The following EIF2B5 variants were observed in gnomAD, a reference collection of about 807,000 sequenced individuals.
The protein encoded by EIF2B5 is eukaryotic translation initiation factor 2B subunit epsilon, also known as translation initiation factor eIF2B subunit epsilon.
Under a neutral mutation model 87.3 loss-of-function variants are expected in EIF2B5, and 38 were observed. The ratio of observed to expected loss-of-function variants is 0.44; its 90% confidence interval spans 0.34 to 0.57. The LOEUF (loss-of-function observed/expected upper bound fraction) is 0.57. Ranked by LOEUF, EIF2B5 falls within the 20% of genes least tolerant of loss-of-function variation. The pLI is 0.02. For missense variants in EIF2B5, 784 were observed against 909.5 expected, an observed-to-expected ratio of 0.86 and a Z score of 1.78; for synonymous variants, 313 against 339.6, an observed-to-expected ratio of 0.92 and a Z score of 0.86.
At chr3:184,143,318 C>T (rs1713726661) in intron 12 of EIF2B5, 124 bp from the exon 13 acceptor site, 1 of 1,554,594 alleles carries the variant, frequency 6.4e-7, no homozygotes, top group African/African-American at 1.4e-5. Flanking sequence ...AGACTTTCTC[C>T]TTCCTAAACC....
chr3:184,140,141 T>A lies in EIF2B5; in HGVS notation c.827T>A (p.Leu276His). ...ACTCGAGATGACTTTGTGCGAGGTC[T>A]CTTAGTGAATGAGGAGGTGAGAAAA... ...YQTRDDFVRG[L>H]LVNEEILGNQ... is the part of the protein sequence containing the mutation. The change falls in exon 6 of 16, where the codon CTC becomes CAC. Residue 276 changes from leucine to histidine, a missense_variant. Physicochemically the swap from Leu to His is moderately conservative, Grantham distance 99. Transcript: ENST00000648915. The A allele has an allele frequency of 6.2e-7, 1 of 1,613,996 alleles. No individual in the cohort carries two copies.
At position 184,142,897 on chromosome 3, in the gene EIF2B5, G is replaced by C; in HGVS notation, c.1654+11G>C. 1 of 1,609,198 alleles carries C rather than the reference G, an allele frequency of 6.2e-7. No homozygotes were observed. Among genetic ancestry groups the C allele is most frequent in the Non-Finnish European group, 8.5e-7 (1 of 1,176,880 alleles). On this transcript the variant is annotated intron_variant, in intron 11 of 15. Coordinates refer to ENST00000648915, the MANE Select transcript of EIF2B5 (RefSeq NM_003907.3). This position sits in a 1 kb window ranked among gnomAD's most constrained non-coding sequence, Gnocchi z 5.0. ...TGGATGACATCAAAGGTGAGTGGCA[G>C]GGGAGAAATGCGCTGGACCAGTTTA...
Position 184,138,235 on chromosome 3 carries a change from T to A in EIF2B5, c.754T>A (p.Cys252Ser). ...YDLLDCHISI[C>S]SPQVAQLFTD... Reference sequence around the variant, plus strand: ...TTTACTGGATTGTCATATCAGCATCTGTTCTCCTCAGGTGAGCTCTTTAGG... The same window carrying A: ...TTTACTGGATTGTCATATCAGCATCAGTTCTCCTCAGGTGAGCTCTTTAGG... The change falls in exon 5 of 16, where the codon TGT (cysteine) becomes AGT (serine). Residue 252 changes from cysteine (C) to serine (S), a missense_variant. Cys to Ser is a moderately radical substitution (Grantham distance 112). Coordinates refer to ENST00000648915, the MANE Select transcript of EIF2B5 (RefSeq NM_003907.3). 1 of 1,613,938 alleles carries A rather than the reference T, an allele frequency of 6.2e-7. No homozygotes were observed. Among genetic ancestry groups the A allele is most frequent in the South Asian group, 1.1e-5 (1 of 91,066 alleles).
chr3:184,142,274 C>G lies in EIF2B5; in HGVS notation c.1340C>G (p.Ser447Trp). Residue 447 changes from serine (S) to tryptophan (W), a missense_variant, in exon 9 of 16, where the codon TCG (serine) becomes TGG (tryptophan). Around this residue, in one of 3 missense-constraint regions of EIF2B5, gnomAD observed 660 missense variants for 789.5 expected, o/e 0.84. Coordinates refer to ENST00000648915, the MANE Select transcript of EIF2B5 (RefSeq NM_003907.3). The surrounding 1 kb of genome is among the most constrained non-coding windows in gnomAD (Gnocchi z 5.0). ...CCAAATATCACGCTGCCTGAGGGCTCGGTGATCTCTTTGCACCCTCCAGAT... is the reference window on the plus strand; with the variant it reads ...CCAAATATCACGCTGCCTGAGGGCTGGGTGATCTCTTTGCACCCTCCAGAT... ...VGPNITLPEGSVISLHPPDAE... is the reference protein window; with the variant it reads ...VGPNITLPEGWVISLHPPDAE... 6.2e-7 allele frequency: 1 copy of G among 1,614,002 alleles called. No homozygotes were observed. The highest frequency in any genetic ancestry group is 8.5e-7 in the Non-Finnish European group (1 of 1,180,002).
chr3:184,137,142 G>A (rs1016810657), intron 2 of EIF2B5: 9 of 343,426 alleles, frequency 2.6e-5, no homozygotes, highest in African/African-American at 1.3e-4. Flanking sequence ...GCCTAGCTCA[G>A]TCCCAAGCAT....
At chr3:184,143,172 G>T in intron 12 of EIF2B5, 30 bp downstream of exon 12, 1 of 1,605,612 alleles carries the variant, frequency 6.2e-7, no homozygotes, top group South Asian at 1.1e-5. Context: ...GTTCTCCTCG[G>T]GGTGATCCCG....
At chr3:184,136,495 G>A (rs2109006237) in intron 1 of EIF2B5, 117 bp from the exon 2 acceptor site, 1 of 1,375,836 alleles carries the variant, frequency 7.3e-7, no homozygotes. Flanking sequence ...CTTTGAATTG[G>A]AAAGATACAG....
At chr3:184,136,850 T>G in intron 2 of EIF2B5, 114 bp downstream of exon 2, 4 of 1,446,152 alleles carry the variant, frequency 2.8e-6, no homozygotes, top group Non-Finnish European at 3.9e-6. Context: ...TTAGATGTCA[T>G]TGTAAGTTCT....
intron 1 of EIF2B5, among the ~76,000 whole-genome samples, chr3:184,136,306 A>AT (rs1713356269): frequency 6.6e-6 from 1 of 152,224 alleles, no homozygotes; most frequent in Non-Finnish European, 1.5e-5. Flanking sequence ...CAATGCTTAA[A>AT]TTTATGGAAA....
chr3:184,142,142 T>C lies in EIF2B5; in HGVS notation c.1302+72T>C. 2 of 1,614,000 alleles carry C rather than the reference T, an allele frequency of 1.2e-6. No individual in the cohort carries two copies. The highest frequency in any genetic ancestry group is 1.6e-4 in the Middle Eastern group (1 of 6,062). On this transcript the variant is annotated intron_variant, in intron 8 of 15. Coordinates refer to ENST00000648915, the MANE Select transcript of EIF2B5 (RefSeq NM_003907.3). The surrounding 1 kb of genome is among the most constrained non-coding windows in gnomAD (Gnocchi z 5.0). ...TCACACTGAGCCAGAAGGGGCATTA[T>C]TTCCACCCATAATCCTGTCTAAAAA...
At chr3:184,144,855 C>A (rs889319880) in intron 15 of EIF2B5, 29 bp from the exon 16 acceptor site, 2 of 1,612,278 alleles carry the variant, frequency 1.2e-6, no homozygotes, top group Non-Finnish European at 1.7e-6. Context: ...GCACCTCCCC[C>A]AGCCGATCTC....
In EIF2B5 at chr3:184,143,082, A is replaced by G. The variant is rs1287967200; in HGVS notation, c.1685A>G (p.Gln562Arg). The G allele has an allele frequency of 6.2e-7, 1 of 1,613,964 alleles. No individual in the cohort carries two copies. The highest frequency in any genetic ancestry group is 1.1e-5 in the South Asian group (1 of 91,018). The change falls in exon 12 of 16, where the codon CAG becomes CGG. Residue 562 changes from glutamine (Q) to arginine (R), a missense_variant. By Grantham distance (43) the Gln-to-Arg change is conservative (BLOSUM62 1). Around this residue, in one of 3 missense-constraint regions of EIF2B5, gnomAD observed 660 missense variants for 789.5 expected, o/e 0.84. Coordinates refer to ENST00000648915, the MANE Select transcript of EIF2B5 (RefSeq NM_003907.3). ...VFQNEVLGTLQRGKEENISCD... is the reference protein window; with the variant it reads ...VFQNEVLGTLRRGKEENISCD... ...CAGAATGAAGTTTTAGGAACACTAC[A>G]GCGGGGCAAAGAGGAGAACATTTCT...
Position 184,145,186 on chromosome 3 carries a change from G to A in EIF2B5, c.*243G>A, listed in dbSNP as rs1052048064. 8 of 578,432 alleles carry A rather than the reference G, an allele frequency of 1.4e-5. No individual in the cohort carries two copies. The highest frequency in any genetic ancestry group is 1.9e-5 in the African/African-American group (1 of 53,494). The allele number at this position is 578,432 out of a possible 1,614,324, so 35.8% of individuals were successfully genotyped here. A position where few individuals can be genotyped will look rare whatever the true frequency, so the allele number is the denominator to read the frequency against. On this transcript the variant is annotated 3_prime_UTR_variant, in exon 16 of 16. Transcript: ENST00000648915. The surrounding 1 kb of genome is among the most constrained non-coding windows in gnomAD (Gnocchi z 4.0). ...CTTCTGCCTAGGGAGGAGCTAAGCA[G>A]GCCCGGCAGTTGGAGGAAGGCCAGA...
In EIF2B5 at chr3:184,142,243, G is replaced by A; in HGVS notation, c.1309G>A (p.Val437Met). 2 of 1,613,908 alleles carry A rather than the reference G, an allele frequency of 1.2e-6. No homozygotes were observed. Among genetic ancestry groups the A allele is most frequent in the Non-Finnish European group, 1.7e-6 (2 of 1,179,982 alleles). The change falls in exon 9 of 16, where the codon GTG becomes ATG. Residue 437 changes from valine (V) to methionine (M), a missense_variant. Physicochemically the swap from Val to Met is conservative, Grantham distance 21. Coordinates refer to ENST00000648915, the MANE Select transcript of EIF2B5 (RefSeq NM_003907.3). The surrounding 1 kb of genome is among the most constrained non-coding windows in gnomAD (Gnocchi z 5.0). ...PRSVLTSQVVVGPNITLPEGS... is the reference protein window; with the variant it reads ...PRSVLTSQVVMGPNITLPEGS... ...GTGTTTTTTTTCCCCTTAGGTGGTCGTGGGCCCAAATATCACGCTGCCTGA... is the reference window on the plus strand; with the variant it reads ...GTGTTTTTTTTCCCCTTAGGTGGTCATGGGCCCAAATATCACGCTGCCTGA...
chr3:184,140,345 TTAG>T (rs1322132277), intron 6 of EIF2B5, 70 bp from the exon 7 acceptor site: 6 of 1,542,122 alleles, frequency 3.9e-6, no homozygotes, highest in African/African-American at 1.4e-5. Flanking sequence ...CTTAAAAGGA[TTAG>T]AAAAGTTGTA....
In EIF2B5 at chr3:184,140,619, A is replaced by T; in HGVS notation, c.1045A>T (p.Ser349Cys). Residue 349 changes from serine (S) to cysteine (C), a missense_variant, in exon 7 of 16, where the codon AGC (serine) becomes TGC (cysteine). Coordinates refer to ENST00000648915, the MANE Select transcript of EIF2B5 (RefSeq NM_003907.3). ...CAACATCTACCGAGGGCCTGAGGTC[A>T]GCCTGGGCCATGGCAGCATCCTAGA... The part of the protein sequence containing the change: ...RHNIYRGPEV[S>C]LGHGSILEEN... 3 of 1,614,184 alleles carry T rather than the reference A, an allele frequency of 1.9e-6. No homozygotes were observed. The highest frequency in any genetic ancestry group is 2.5e-6 in the Non-Finnish European group (3 of 1,180,028).
At position 184,144,231 on chromosome 3, in the gene EIF2B5, A is replaced by G. The variant is rs374974242; in HGVS notation, c.1995+7A>G. On this transcript the variant is annotated splice_region_variant and intron_variant, in intron 14 of 15. Transcript: ENST00000648915. ...TGGTATTTCCATGGCCAAGGTGAAT[A>G]TGACCTCAAGCCCCATTCTTCTGCA... 4 of 1,613,838 alleles carry G rather than the reference A, an allele frequency of 2.5e-6. No homozygotes were observed. The African/African-American group carries it at 5.3e-5, about 22-fold the overall frequency.
Position 184,145,180 on chromosome 3 carries a change from TA to T in EIF2B5, c.*239del. The T allele has an allele frequency of 1.7e-6, 1 of 587,524 alleles. No homozygotes were observed. Among genetic ancestry groups the T allele is most frequent in the Non-Finnish European group, 3.1e-6 (1 of 326,944 alleles). 36.4% of individuals were successfully genotyped at this position (587,524 alleles called of 1,614,324 possible). A position where few individuals can be genotyped will look rare whatever the true frequency, so the allele number is the denominator to read the frequency against. The stretch of plus-strand genomic sequence containing the variant: ...ACAAAGCTTCTGCCTAGGGAGGAGC[TA>T]AGCAGGCCCGGCAGTTGGAGGAAGG... On this transcript the variant is annotated 3_prime_UTR_variant, in exon 16 of 16. Transcript: ENST00000648915. This position sits in a 1 kb window ranked among gnomAD's most constrained non-coding sequence, Gnocchi z 4.0.
intron 7 of EIF2B5, 96 bp downstream of exon 7, chr3:184,140,826 AG>A: frequency 7.1e-7 from 1 of 1,400,560 alleles, no homozygotes; most frequent in Non-Finnish European, 1.0e-6. Context: ...CACAAGGGAC[AG>A]TCCCTGGGAA....
Sources: gnomAD v4.1 joint callset for allele counts (sites outside exome capture counted in the v4.1 genomes callset) on GRCh38, gnomAD v4.1.1 for gene constraint, gnomAD v4.1.1 regional missense constraint, Gnocchi (gnomAD v3.1) non-coding constraint, MANE v1.5 for transcripts, NCBI Gene and HGNC (gene_info 2026-07-23, HGNC 2026-07-21) for gene names.